The following GPR137B variants were observed in gnomAD, a reference collection of about 807,000 sequenced individuals.
The protein encoded by GPR137B is integral membrane protein GPR137B.
A neutral mutation model predicts 42.5 loss-of-function variants in GPR137B; 42 were observed. The observed-to-expected ratio is 0.99, with a 90% CI of 0.77 to 1.28. The LOEUF is 1.28. Ranked by LOEUF, GPR137B falls within the 50% of genes most tolerant of loss-of-function variation. GPR137B has a pLI of 0.00. For synonymous variants in GPR137B, 218 were observed against 209.7 expected, an observed-to-expected ratio of 1.04 and a Z score of -0.34; for missense variants, 487 against 493.9, an observed-to-expected ratio of 0.99 and a Z score of 0.13.
chr1:236,155,961 G>A lies in GPR137B; in HGVS notation c.415-12745G>A, dbSNP rs1003989468. On this transcript the variant is annotated intron_variant, in intron 1 of 6. Transcript: ENST00000366592. The surrounding 1 kb of genome is among the most constrained non-coding windows in gnomAD (Gnocchi z 4.6). ...CAAACATGCACACACATACACAAAC[G>A]CACACACATGCACACACACGCGCGC... 1.8e-4 allele frequency among the ~76,000 whole-genome samples: 27 copies of A among 152,122 alleles called. No homozygotes were observed. The highest frequency in any genetic ancestry group is 7.2e-4 in the Admixed American group (11 of 15,278).
At chr1:236,207,984 A>C in intron 6 of GPR137B, 66 bp from the exon 7 acceptor site, 2 of 1,183,804 alleles carry the variant, frequency 1.7e-6, no homozygotes, top group South Asian at 1.3e-5. Context: ...CTGTCTACCT[A>C]AACTAGACTA....
chr1:236,205,350 G>A, intron 6 of GPR137B, 100 bp downstream of exon 6: 2 of 988,094 alleles, frequency 2.0e-6, no homozygotes, highest in Non-Finnish European at 1.5e-6. Context: ...TTAAAACTGT[G>A]CAGCCTTAGG....
intron 1 of GPR137B, among the ~76,000 whole-genome samples, chr1:236,164,885 CAAGAGAGAGA>C (rs1662304400): frequency 8.1e-6 from 1 of 123,586 alleles, no homozygotes; most frequent in African/African-American, 3.0e-5. Flanking sequence ...CAGATGAATT[CAAGAGAGAGA>C]GAGAGAGAGA....
chr1:236,166,238 A>G (rs1450200993), intron 1 of GPR137B, among the ~76,000 whole-genome samples: 1 of 152,070 alleles, frequency 6.6e-6, no homozygotes, highest in African/African-American at 2.4e-5. Flanking sequence ...ATATTTTGTA[A>G]TGGAACTTTG....
chr1:236,194,384 C>T (rs1663281834), intron 5 of GPR137B, among the ~76,000 whole-genome samples: 2 of 152,014 alleles, frequency 1.3e-5, no homozygotes, highest in South Asian at 2.1e-4. Context: ...CATTCTTTTG[C>T]GCGTGGCTCA....
intron 1 of GPR137B, among the ~76,000 whole-genome samples, chr1:236,144,681 G>A (rs1031200044): frequency 6.6e-6 from 1 of 152,246 alleles, no homozygotes; most frequent in Non-Finnish European, 1.5e-5. Flanking sequence ...CAGGCAGTCG[G>A]CTGCATTGCA....
In GPR137B at chr1:236,143,023, T is replaced by G. The variant is rs1255323430; in HGVS notation, c.401T>G (p.Leu134Trp). The change falls in exon 1 of 7, where the codon TTG becomes TGG. Residue 134 changes from leucine (L) to tryptophan (W), a missense_variant. Physicochemically the swap from Leu to Trp is moderately conservative, Grantham distance 61. Coordinates refer to ENST00000366592, the MANE Select transcript of GPR137B (RefSeq NM_003272.4). ...TTTTTCACCCTCACGCTGATGAACTTGTACTTCACGCAGGTGAGTTTCAGA... is the reference window on the plus strand; with the variant it reads ...TTTTTCACCCTCACGCTGATGAACTGGTACTTCACGCAGGTGAGTTTCAGA... ...LQFFTLTLMNLYFTQVIFKAK... is the reference protein window; with the variant it reads ...LQFFTLTLMNWYFTQVIFKAK... 1.2e-6 allele frequency: 2 copies of G among 1,611,734 alleles called. No homozygotes were observed. Among genetic ancestry groups the G allele is most frequent in the Non-Finnish European group, 1.7e-6 (2 of 1,178,960 alleles).
At chr1:236,180,636 T>C (rs965795368) in intron 4 of GPR137B, among the ~76,000 whole-genome samples, 3 of 133,490 alleles carry the variant, frequency 2.2e-5, no homozygotes, top group African/African-American at 1.2e-4. Context: ...GTACTTAATT[T>C]TTTTTTTTTT....
At chr1:236,167,638 A>T (rs1662400010) in intron 1 of GPR137B, among the ~76,000 whole-genome samples, 2 of 151,950 alleles carry the variant, frequency 1.3e-5, no homozygotes, top group Non-Finnish European at 2.9e-5. Flanking sequence ...AGTCTTCCAC[A>T]CCCTTTCTTT....
At chr1:236,169,649 G>T (rs149464685) in intron 2 of GPR137B, among the ~76,000 whole-genome samples, 9 of 152,256 alleles carry the variant, frequency 5.9e-5, no homozygotes, top group African/African-American at 2.2e-4. Context: ...GTTATGTGAG[G>T]AGGGGGATCT....
intron 1 of GPR137B, among the ~76,000 whole-genome samples, chr1:236,146,772 C>T (rs934153865): frequency 1.4e-4 from 22 of 152,182 alleles, no homozygotes; most frequent in African/African-American, 5.3e-4. Context: ...TCTCTTTCCA[C>T]CCCTAATGAC....
At position 236,181,979 on chromosome 1, in the gene GPR137B, G is replaced by A. The variant is rs372038434; in HGVS notation, c.838-1799G>A. Among the ~76,000 whole-genome samples the A allele has an allele frequency of 5.1e-3, 742 of 144,646 alleles. 8 individuals are homozygous for A. Among genetic ancestry groups the A allele is most frequent in the African/African-American group, 0.018 (695 of 38,210 alleles). 94.9% of individuals were successfully genotyped at this position (144,646 alleles called of 152,430 possible). On this transcript the variant is annotated intron_variant, in intron 4 of 6. Coordinates refer to ENST00000366592, the MANE Select transcript of GPR137B (RefSeq NM_003272.4). ...ACAATCTTGGCTCACTGCAACCTCC[G>A]CCTCCCGGGTTCAAGCGATTCTTCT...
chr1:236,142,665 C>T lies in GPR137B; in HGVS notation c.43C>T (p.Pro15Ser). The change falls in exon 1 of 7, where the codon CCG becomes TCG. Residue 15 changes from proline to serine, a missense_variant. Pro to Ser is a moderately conservative substitution (Grantham distance 74, BLOSUM62 -1). Transcript: ENST00000366592. ...CCGGCCGCGCGGCAGCGCCCCCGGC[C>T]CGATGGAGACCCCGCCGTGGGACCC... is the stretch of plus-strand genomic sequence containing the variant. ...RPRPRGSAPG[P>S]METPPWDPAR... 6.5e-7 allele frequency: 1 copy of T among 1,539,818 alleles called. No homozygotes were observed. The highest frequency in any genetic ancestry group is 8.7e-7 in the Non-Finnish European group (1 of 1,148,400).
intron 5 of GPR137B, among the ~76,000 whole-genome samples, chr1:236,198,260 A>G (rs1253920348): frequency 1.3e-5 from 2 of 152,040 alleles, no homozygotes; most frequent in African/African-American, 4.8e-5. Flanking sequence ...GCTGGAGTGC[A>G]GTGGTGTGAT....
At chr1:236,200,585 A>C (rs1663465156) in intron 5 of GPR137B, among the ~76,000 whole-genome samples, 2 of 152,034 alleles carry the variant, frequency 1.3e-5, no homozygotes, top group Admixed American at 1.3e-4. Context: ...TGATCCTTTT[A>C]TTAATAAATA....
intron 5 of GPR137B, among the ~76,000 whole-genome samples, chr1:236,186,807 T>C (rs904173161): frequency 6.6e-6 from 1 of 152,108 alleles, no homozygotes; most frequent in Non-Finnish European, 1.5e-5. Flanking sequence ...TACGTGTGCA[T>C]GTACATGTGC....
chr1:236,204,440 A>G (rs1663591359), intron 5 of GPR137B, among the ~76,000 whole-genome samples: 1 of 151,584 alleles, frequency 6.6e-6, no homozygotes, highest in Non-Finnish European at 1.5e-5. Context: ...CTCTTCCTCT[A>G]TTTTTTTTGG....
At chr1:236,175,001 G>C (rs776843119) in intron 2 of GPR137B, among the ~76,000 whole-genome samples, 1 of 152,144 alleles carries the variant, frequency 6.6e-6, no homozygotes, top group Non-Finnish European at 1.5e-5. Context: ...CAAAAGTCAT[G>C]ATTGAAGCTA....
At chr1:236,177,658 T>G (rs542147152) in intron 2 of GPR137B, among the ~76,000 whole-genome samples, 2 of 151,972 alleles carry the variant, frequency 1.3e-5, no homozygotes, top group South Asian at 4.2e-4. Context: ...CCGGTTCAAG[T>G]GATTCTCCTG....
Sources: allele counts gnomAD v4.1 joint callset (sites outside exome capture counted in the v4.1 genomes callset), GRCh38; gene constraint gnomAD v4.1.1; non-coding constraint Gnocchi (gnomAD v3.1); transcripts MANE v1.5; gene names NCBI Gene and HGNC (gene_info 2026-07-23, HGNC 2026-07-21).